Variants in ATP11A observed in about 807,000 individuals in gnomAD.
ATP11A encodes the protein ATPase phospholipid transporting 11A.
Under a neutral mutation model 154.4 loss-of-function variants are expected in ATP11A, and 81 were observed. That is an observed-to-expected ratio of 0.52 (90% CI 0.44 to 0.63). The LOEUF is 0.63. Ranked by LOEUF, ATP11A falls within the 30% of genes least tolerant of loss-of-function variation. The pLI, the probability that ATP11A is intolerant of heterozygous loss-of-function variation, is 0.00. For missense variants in ATP11A, 1,316 were observed against 1,474.3 expected, an observed-to-expected ratio of 0.89 and a Z score of 1.76; for synonymous variants, 623 against 585.9, an observed-to-expected ratio of 1.06 and a Z score of -0.91.
At chr13:112,717,174 G>A (rs1449792197) in intron 1 of ATP11A, 1 of 152,266 alleles carries the variant, frequency 6.6e-6, no homozygotes, top group Non-Finnish European at 1.5e-5. Context: ...GTAAAGAACG[G>A]AACAATCGGG....
chr13:112,814,494 A>C lies in ATP11A; in HGVS notation c.442-1589A>C, dbSNP rs552684434. Reference sequence around the variant, plus strand: ...GTTATAGTTTCATGTTTTACATTTAAGTTCATGATCCATTTTGAGATGATT... The same window carrying C: ...GTTATAGTTTCATGTTTTACATTTACGTTCATGATCCATTTTGAGATGATT... On this transcript the variant is annotated intron_variant, in intron 5 of 29. Transcript: ENST00000375645. Among the ~76,000 whole-genome samples the C allele has an allele frequency of 1.3e-4, 20 of 152,254 alleles. No homozygotes were observed. In the East Asian group the frequency reaches 3.7e-3, roughly 28 times the overall value.
chr13:112,881,896 C>T lies in ATP11A; in HGVS notation c.*30C>T. On this transcript the variant is annotated 3_prime_UTR_variant, in exon 30 of 30. Coordinates refer to ENST00000375645, the MANE Select transcript of ATP11A (RefSeq NM_015205.3). ...TGCAGAGCCCAGGCTACCAGAGCAC[C>T]TGTCCCTCGGCCGCCTGGTACAGCT... 3 of 1,367,814 alleles carry T rather than the reference C, an allele frequency of 2.2e-6. No homozygotes were observed. In the South Asian group the frequency reaches 3.4e-5, roughly 16 times the overall value. 84.7% of individuals were successfully genotyped at this position (1,367,814 alleles called of 1,614,324 possible).
intron 1 of ATP11A, among the ~76,000 whole-genome samples, chr13:112,732,741 A>G (rs1368697548): frequency 2.0e-5 from 3 of 152,072 alleles, no homozygotes; most frequent in Non-Finnish European, 4.4e-5. Context: ...CCTCCCGAGT[A>G]TCTGGGACTG....
At chr13:112,760,320 G>T (rs1174141944) in intron 1 of ATP11A, among the ~76,000 whole-genome samples, 1 of 152,202 alleles carries the variant, frequency 6.6e-6, no homozygotes, top group Non-Finnish European at 1.5e-5. Context: ...GGTGCTGTGT[G>T]TATAGGGCCC....
At chr13:112,794,871 CAAGAA>C (rs1255210940) in intron 2 of ATP11A, among the ~76,000 whole-genome samples, 11 of 148,970 alleles carry the variant, frequency 7.4e-5, no homozygotes, top group Non-Finnish European at 1.0e-4. Context: ...GACCCTGTCT[CAAGAA>C]AAGAAAAGAA....
At chr13:112,826,277 T>C (rs754678002) in intron 11 of ATP11A, among the ~76,000 whole-genome samples, 5 of 152,238 alleles carry the variant, frequency 3.3e-5, no homozygotes, top group Non-Finnish European at 7.3e-5. Flanking sequence ...GATAAAAGTA[T>C]ACTGAAAAGT....
At chr13:112,876,399 C>T (rs111653599) in intron 28 of ATP11A, among the ~76,000 whole-genome samples, 7 of 151,972 alleles carry the variant, frequency 4.6e-5, no homozygotes, top group Admixed American at 1.3e-4. Flanking sequence ...CCAGGGAAGA[C>T]GTGACGATGC....
At position 112,881,956 on chromosome 13, in the gene ATP11A, G is replaced by A. The variant is rs1430283875; in HGVS notation, c.*90G>A. 2 of 1,367,702 alleles carry A rather than the reference G, an allele frequency of 1.5e-6. No homozygotes were observed. The highest frequency in any genetic ancestry group is 2.0e-6 in the Non-Finnish European group (2 of 1,022,000). 84.7% of individuals were successfully genotyped at this position (1,367,702 alleles called of 1,614,324 possible). On this transcript the variant is annotated 3_prime_UTR_variant, in exon 30 of 30. Coordinates refer to ENST00000375645, the MANE Select transcript of ATP11A (RefSeq NM_015205.3). Reference sequence around the variant, plus strand: ...AGCAGGTGACACTCGCGGCCTGGAAGGAGAAGGTGTCCACGGAGCCCCCAC... The same window carrying A: ...AGCAGGTGACACTCGCGGCCTGGAAAGAGAAGGTGTCCACGGAGCCCCCAC...
At chr13:112,792,755 A>G (rs1346276325) in intron 2 of ATP11A, among the ~76,000 whole-genome samples, 1 of 151,516 alleles carries the variant, frequency 6.6e-6, no homozygotes, top group African/African-American at 2.4e-5. Context: ...GCCTGCTTGC[A>G]CCCCCCACGT....
intron 28 of ATP11A, among the ~76,000 whole-genome samples, chr13:112,876,416 T>A (rs941898106): frequency 2.0e-5 from 3 of 151,758 alleles, no homozygotes; most frequent in African/African-American, 7.3e-5. Context: ...ATGCCGAGTG[T>A]CCCCCCAGGT....
chr13:112,710,964 G>GC (rs1887664322), intron 1 of ATP11A, among the ~76,000 whole-genome samples: 3 of 124,500 alleles, frequency 2.4e-5, no homozygotes, highest in Non-Finnish European at 3.4e-5. Context: ...ACCACCCGGA[G>GC]CCACCCACCC....
At chr13:112,817,454 A>G (rs1220737538) in intron 6 of ATP11A, among the ~76,000 whole-genome samples, 1 of 152,216 alleles carries the variant, frequency 6.6e-6, no homozygotes, top group Non-Finnish European at 1.5e-5. Context: ...AACCTAAAAG[A>G]TTGTCAGCAG....
In ATP11A at chr13:112,807,343, T is replaced by A. The variant is rs951460282; in HGVS notation, c.333+1050T>A. Reference sequence around the variant, plus strand: ...CCAGAGCCGGCCGTGCCTACCGGGATACGTGAACTAGGATATTCATGGTGG... The same window carrying A: ...CCAGAGCCGGCCGTGCCTACCGGGAAACGTGAACTAGGATATTCATGGTGG... On this transcript the variant is annotated intron_variant, in intron 4 of 29. Coordinates refer to ENST00000375645, the MANE Select transcript of ATP11A (RefSeq NM_015205.3). The surrounding 1 kb of genome is among the most constrained non-coding windows in gnomAD (Gnocchi z 4.5). Among the ~76,000 whole-genome samples the A allele has an allele frequency of 6.6e-6, 1 of 152,220 alleles. No individual in the cohort carries two copies. The highest frequency in any genetic ancestry group is 2.4e-5 in the African/African-American group (1 of 41,462).
At position 112,859,684 on chromosome 13, in the gene ATP11A, C is replaced by T. The variant is rs560917879; in HGVS notation, c.2727+232C>T. On this transcript the variant is annotated intron_variant, in intron 23 of 29. Transcript: ENST00000375645. The surrounding 1 kb of genome is among the most constrained non-coding windows in gnomAD (Gnocchi z 4.3). Reference sequence around the variant, plus strand: ...CTTGTTCCATGTCTTCTGAAACTGCCGTGGCCCTGAGATGCGGGCCAGTGA... The same window carrying T: ...CTTGTTCCATGTCTTCTGAAACTGCTGTGGCCCTGAGATGCGGGCCAGTGA... 3.3e-5 allele frequency among the ~76,000 whole-genome samples: 5 copies of T among 152,316 alleles called. No homozygotes were observed. The South Asian group carries it at 6.2e-4, about 19-fold the overall frequency.
intron 12 of ATP11A, among the ~76,000 whole-genome samples, chr13:112,828,118 G>GAAACGCCCAGCAGGGTTGAGTGCGGGGGA: frequency 8.2e-6 from 1 of 122,476 alleles, no homozygotes; most frequent in Non-Finnish European, 1.7e-5. Context: ...TGAGTGGGGG[G>GAAACGCCCAGCAGGGTTGAGTGCGGGGGA]AAGCGCCCAG....
At chr13:112,779,017 G>A in intron 1 of ATP11A, among the ~76,000 whole-genome samples, 1 of 140,910 alleles carries the variant, frequency 7.1e-6, no homozygotes, top group African/African-American at 2.7e-5. Flanking sequence ...CCACTGGAGT[G>A]AGTAGCCGCT....
At chr13:112,718,145 G>T (rs1888706399) in intron 1 of ATP11A, among the ~76,000 whole-genome samples, 1 of 152,122 alleles carries the variant, frequency 6.6e-6, no homozygotes, top group Non-Finnish European at 1.5e-5. Context: ...GCGTGAACAG[G>T]AGTTGTCTCT....
chr13:112,853,295 C>CAT (rs760511671), intron 18 of ATP11A, among the ~76,000 whole-genome samples: 83 of 150,616 alleles, frequency 5.5e-4, no homozygotes, highest in Middle Eastern at 6.8e-3. Flanking sequence ...CACACACACA[C>CAT]ATATATATAT....
At chr13:112,731,202 C>G (rs1443079961) in intron 1 of ATP11A, among the ~76,000 whole-genome samples, 1 of 152,094 alleles carries the variant, frequency 6.6e-6, no homozygotes, top group Non-Finnish European at 1.5e-5. Flanking sequence ...CCAAAATGCT[C>G]CAGTGATCCG....
Sources: allele counts gnomAD v4.1 joint callset (sites outside exome capture counted in the v4.1 genomes callset), GRCh38; gene constraint gnomAD v4.1.1; non-coding constraint Gnocchi (gnomAD v3.1); transcripts MANE v1.5; gene names NCBI Gene and HGNC (gene_info 2026-07-23, HGNC 2026-07-21).